Variants in SUGT1 observed in about 807,000 individuals in gnomAD.
SUGT1 encodes the protein SGT1 assembly cochaperone of MIS12 kinetochore complex.
In SUGT1, 15 loss-of-function variants were observed where a neutral mutation model predicts 56.1. That is an observed-to-expected ratio of 0.27 (90% CI 0.18 to 0.41). The LOEUF (loss-of-function observed/expected upper bound fraction) is 0.41. SUGT1 is among the 10% of genes least tolerant of loss of function. SUGT1 has a pLI of 1.00. For synonymous variants in SUGT1, 123 were observed against 128.6 expected, an observed-to-expected ratio of 0.96 and a Z score of 0.30; for missense variants, 347 against 382.2, an observed-to-expected ratio of 0.91 and a Z score of 0.77.
chr13:52,676,256 G>A lies in SUGT1; in HGVS notation c.654G>A (p.Glu218=). The A allele has an allele frequency of 6.2e-7, 1 of 1,613,042 alleles. No homozygotes were observed. Among genetic ancestry groups the A allele is most frequent in the Non-Finnish European group, 8.5e-7 (1 of 1,179,506 alleles). Residue 218 remains glutamate (E), a synonymous_variant, in exon 11 of 13, where the codon GAG becomes GAA. Coordinates refer to ENST00000310528, the MANE Select transcript of SUGT1 (RefSeq NM_006704.5). The part of the protein sequence containing the change: ...TKIEIKLKKP[E]AVRWEKLEGQ... ...TTGAAATTAAACTGAAAAAGCCAGA[G>A]GCTGTGAGATGGGAAAAGCTAGAGG...
chr13:52,671,918 C>T (rs916327215), intron 10 of SUGT1, among the ~76,000 whole-genome samples: 3 of 152,080 alleles, frequency 2.0e-5, no homozygotes, highest in Non-Finnish European at 2.9e-5. Flanking sequence ...CTGAAAAATG[C>T]GCTTACAGCA....
chr13:52,694,319 TC>T lies in SUGT1; in HGVS notation c.*6485del, dbSNP rs1483633981. 1 of 152,246 alleles carries T rather than the reference TC, an allele frequency of 6.6e-6. No homozygotes were observed. The highest frequency in any genetic ancestry group is 1.5e-5 in the Non-Finnish European group (1 of 68,040). 9.4% of individuals were successfully genotyped at this position (152,246 alleles called of 1,614,324 possible). ...AGTTCAGTCTTTCAAGATGTGGAAT[TC>T]TGTCTGAGGAAAGTATATCACCTAG... On this transcript the variant is annotated 3_prime_UTR_variant, in exon 13 of 13. Coordinates refer to ENST00000310528, the MANE Select transcript of SUGT1 (RefSeq NM_006704.5).
At chr13:52,660,496 T>C (rs947633641) in intron 5 of SUGT1, among the ~76,000 whole-genome samples, 9 of 152,218 alleles carry the variant, frequency 5.9e-5, no homozygotes, top group Non-Finnish European at 2.9e-5. Flanking sequence ...ACTCTTAGTA[T>C]TTTATGTTAC....
chr13:52,655,083 C>T lies in SUGT1; in HGVS notation c.96+1980C>T, dbSNP rs547622307. On this transcript the variant is annotated intron_variant, in intron 2 of 12. Transcript: ENST00000310528. The stretch of plus-strand genomic sequence containing the variant: ...AAGTGCAGCCGGGCGCGGTGGCTCA[C>T]GCCTATAGTCCCAGCACTCTGGGAG... Among the ~76,000 whole-genome samples the T allele has an allele frequency of 1.3e-4, 20 of 152,336 alleles. No homozygotes were observed. The South Asian group carries it at 3.5e-3, about 27-fold the overall frequency.
chr13:52,677,648 C>T (rs1963202324), intron 11 of SUGT1, among the ~76,000 whole-genome samples: 1 of 152,176 alleles, frequency 6.6e-6, no homozygotes. Flanking sequence ...GATTATCCCT[C>T]AGTTCTCATT....
intron 2 of SUGT1, among the ~76,000 whole-genome samples, chr13:52,654,209 C>A (rs534514769): frequency 6.6e-6 from 1 of 152,270 alleles, no homozygotes; most frequent in South Asian, 2.1e-4. Flanking sequence ...AATATATAGA[C>A]CTTTAGATAC....
intron 11 of SUGT1, among the ~76,000 whole-genome samples, chr13:52,677,645 C>T (rs1963202119): frequency 6.6e-6 from 1 of 152,108 alleles, no homozygotes; most frequent in Non-Finnish European, 1.5e-5. Flanking sequence ...CAAGATTATC[C>T]CTCAGTTCTC....
At chr13:52,665,611 C>A (rs769403806) in intron 8 of SUGT1, 26 bp from the exon 9 acceptor site, 1 of 1,473,908 alleles carries the variant, frequency 6.8e-7, no homozygotes, top group South Asian at 1.3e-5. Context: ...GAAGAGTTAC[C>A]TAAGTTTCTT....
chr13:52,687,651 T>C (rs891624740), intron 12 of SUGT1, 83 bp from the exon 13 acceptor site: 4 of 1,037,484 alleles, frequency 3.9e-6, no homozygotes, highest in Non-Finnish European at 5.4e-6. Flanking sequence ...TATTTGGGGC[T>C]CTATGCTTGG....
chr13:52,671,194 AGTG>A (rs1180345597), intron 10 of SUGT1, among the ~76,000 whole-genome samples: 5 of 151,924 alleles, frequency 3.3e-5, no homozygotes, highest in African/African-American at 1.2e-4. Flanking sequence ...TTTTTAGTAC[AGTG>A]GTGGTGATAA....
intron 11 of SUGT1, among the ~76,000 whole-genome samples, chr13:52,677,379 A>G (rs565365695): frequency 1.2e-4 from 18 of 152,328 alleles, no homozygotes; most frequent in African/African-American, 4.1e-4. Context: ...ACCAACAGAT[A>G]CTTTTTAAGG....
At chr13:52,675,156 G>A (rs957251710) in intron 10 of SUGT1, among the ~76,000 whole-genome samples, 19 of 152,106 alleles carry the variant, frequency 1.2e-4, no homozygotes, top group South Asian at 2.1e-4. Flanking sequence ...TGTATAAAGC[G>A]TTTCCCCTTC....
rs967852453 is a variant in SUGT1, at chr13:52,697,823, C to G, written c.*9988C>G. 1 of 152,152 alleles carries G rather than the reference C, an allele frequency of 6.6e-6. No homozygotes were observed. The highest frequency in any genetic ancestry group is 1.5e-5 in the Non-Finnish European group (1 of 68,032). The allele number at this position is 152,152 out of a possible 1,614,324, so 9.4% of individuals were successfully genotyped here. ...GCAAATATTCATTGATTGCCAAATA[C>G]GCATCAGACACTGAGCTAGGTGCTA... On this transcript the variant is annotated 3_prime_UTR_variant, in exon 13 of 13. Coordinates refer to ENST00000310528, the MANE Select transcript of SUGT1 (RefSeq NM_006704.5).
At position 52,694,036 on chromosome 13, in the gene SUGT1, A is replaced by G. The variant is rs1963854634; in HGVS notation, c.*6201A>G. ...CGCAATAAAACTTATGTGAACAGTT[A>G]TTTTTGGACAGCAGTTGACTGTGGG... On this transcript the variant is annotated 3_prime_UTR_variant, in exon 13 of 13. Coordinates refer to ENST00000310528, the MANE Select transcript of SUGT1 (RefSeq NM_006704.5). The G allele has an allele frequency of 6.6e-6, 1 of 152,222 alleles. No homozygotes were observed. The highest frequency in any genetic ancestry group is 2.4e-5 in the African/African-American group (1 of 41,458). The allele number at this position is 152,222 out of a possible 1,614,324, so 9.4% of individuals were successfully genotyped here.
chr13:52,691,215 T>G lies in SUGT1; in HGVS notation c.*3380T>G, dbSNP rs950996455. The G allele has an allele frequency of 1.3e-5, 2 of 152,018 alleles. No homozygotes were observed. Among genetic ancestry groups the G allele is most frequent in the Non-Finnish European group, 2.9e-5 (2 of 68,010 alleles). The allele number at this position is 152,018 out of a possible 1,614,324, so 9.4% of individuals were successfully genotyped here. On this transcript the variant is annotated 3_prime_UTR_variant, in exon 13 of 13. Transcript: ENST00000310528. The stretch of plus-strand genomic sequence containing the variant: ...CCAGGCTGGTCTTGAACTTCTGGGC[T>G]CAAGTTATCTACCTGCCTCAGCCTA...
At chr13:52,676,858 T>C (rs1260544514) in intron 11 of SUGT1, among the ~76,000 whole-genome samples, 1 of 152,180 alleles carries the variant, frequency 6.6e-6, no homozygotes, top group Non-Finnish European at 1.5e-5. Context: ...AAAACCAGGC[T>C]TCATTGTATA....
At position 52,694,224 on chromosome 13, in the gene SUGT1, T is replaced by C. The variant is rs889701274; in HGVS notation, c.*6389T>C. 6.6e-6 allele frequency: 1 copy of C among 152,226 alleles called. No homozygotes were observed. The highest frequency in any genetic ancestry group is 2.4e-5 in the African/African-American group (1 of 41,448). The allele number at this position is 152,226 out of a possible 1,614,324, so 9.4% of individuals were successfully genotyped here. A position where few individuals can be genotyped will look rare whatever the true frequency, so the allele number is the denominator to read the frequency against. ...GTGAAGTGCAAAGAGCAGTGCTTCA[T>C]GTGACAGATAACATCAGATGATCCT... On this transcript the variant is annotated 3_prime_UTR_variant, in exon 13 of 13. Coordinates refer to ENST00000310528, the MANE Select transcript of SUGT1 (RefSeq NM_006704.5).
intron 2 of SUGT1, among the ~76,000 whole-genome samples, chr13:52,655,745 G>A (rs1291471932): frequency 6.6e-6 from 1 of 152,198 alleles, no homozygotes; most frequent in African/African-American, 2.4e-5. Context: ...TAGGTTTGAG[G>A]ATAGAAAGTA....
Position 52,691,837 on chromosome 13 carries a change from CTT to C in SUGT1, c.*4005_*4006del, listed in dbSNP as rs1468250728. On this transcript the variant is annotated 3_prime_UTR_variant, in exon 13 of 13. Coordinates refer to ENST00000310528, the MANE Select transcript of SUGT1 (RefSeq NM_006704.5). ...TAGTTTTAAATAAAAGGGTTCATCT[CTT>C]TTGATGTGGTTTCCCTTTCTCCATC... 6.6e-6 allele frequency: 1 copy of C among 152,186 alleles called. No individual in the cohort carries two copies. Among genetic ancestry groups the C allele is most frequent in the Non-Finnish European group, 1.5e-5 (1 of 68,026 alleles). 9.4% of individuals were successfully genotyped at this position (152,186 alleles called of 1,614,324 possible).
Sources: gnomAD v4.1 joint callset for allele counts (sites outside exome capture counted in the v4.1 genomes callset) on GRCh38, gnomAD v4.1.1 for gene constraint, MANE v1.5 for transcripts, NCBI Gene and HGNC (gene_info 2026-07-23, HGNC 2026-07-21) for gene names.